Variants in MYPN observed in about 807,000 individuals in gnomAD.
MYPN encodes sarcomeric protein myopalladin, 145 kDa (MYOP).
A neutral mutation model predicts 129.4 loss-of-function variants in MYPN; 63 were observed. The observed-to-expected ratio is 0.49, with a 90% CI of 0.40 to 0.60. MYPN has a LOEUF of 0.60. Among genes scored for constraint, MYPN ranks in the 20% least tolerant of loss-of-function variants. MYPN has a pLI of 0.00. For missense variants in MYPN, 1,596 were observed against 1,635.4 expected, an observed-to-expected ratio of 0.98 and a Z score of 0.42; for synonymous variants, 629 against 600.9, an observed-to-expected ratio of 1.05 and a Z score of -0.68.
chr10:68,167,561 T>C (rs965984906), intron 10 of MYPN, among the ~76,000 whole-genome samples: 2 of 148,150 alleles, frequency 1.3e-5, no homozygotes, highest in Non-Finnish European at 1.5e-5. Context: ...TTATTTCCTG[T>C]TTCATCCACA....
In MYPN at chr10:68,139,754, T is replaced by C. The variant is rs181352166; in HGVS notation, c.903-3186T>C. Among the ~76,000 whole-genome samples the C allele has an allele frequency of 1.1e-3, 168 of 152,256 alleles. 3 individuals are homozygous for C. The East Asian group carries it at 0.025, about 23-fold the overall frequency. On this transcript the variant is annotated intron_variant, in intron 2 of 19. Coordinates refer to ENST00000358913, the MANE Select transcript of MYPN (RefSeq NM_032578.4). ...GCAAATAACAAATACTTAGAAAATA[T>C]TAACTGTGAATTTTTTCCATCATTC...
intron 11 of MYPN, 97 bp downstream of exon 11, chr10:68,174,753 T>A: frequency 8.8e-7 from 1 of 1,133,370 alleles, no homozygotes; most frequent in Admixed American, 1.9e-5. Context: ...ATTTTGTGGA[T>A]TCCTAGATAA....
chr10:68,097,973 T>C (rs2041964499), intron 1 of MYPN, among the ~76,000 whole-genome samples: 2 of 152,190 alleles, frequency 1.3e-5, no homozygotes, highest in Non-Finnish European at 2.9e-5. Flanking sequence ...AGGCCGGGCA[T>C]GGTGGCTCAT....
At position 68,144,080 on chromosome 10, in the gene MYPN, T is replaced by C. The variant is rs562458106; in HGVS notation, c.1078+965T>C. Among the ~76,000 whole-genome samples the C allele has an allele frequency of 6.6e-4, 100 of 152,274 alleles. 1 individual carries two copies. The South Asian group carries it at 0.012, about 19-fold the overall frequency. ...GATCTGACTTAATAGTCACTATGGC[T>C]GCTGTTTGAAAATATACTGCAGGGA... On this transcript the variant is annotated intron_variant, in intron 3 of 19. Coordinates refer to ENST00000358913, the MANE Select transcript of MYPN (RefSeq NM_032578.4).
At chr10:68,205,211 A>G (rs969891873) in intron 18 of MYPN, among the ~76,000 whole-genome samples, 5 of 152,034 alleles carry the variant, frequency 3.3e-5, no homozygotes, top group African/African-American at 1.2e-4. Flanking sequence ...CAGTATCTTC[A>G]TGCCTCCTTC....
chr10:68,118,135 A>G (rs190525697), intron 1 of MYPN, among the ~76,000 whole-genome samples: 3 of 152,176 alleles, frequency 2.0e-5, no homozygotes, highest in Non-Finnish European at 4.4e-5. Flanking sequence ...TAACACCTCA[A>G]TTGGCTTCTT....
At chr10:68,159,114 T>C (rs2042932007) in intron 7 of MYPN, among the ~76,000 whole-genome samples, 1 of 152,218 alleles carries the variant, frequency 6.6e-6, no homozygotes, top group African/African-American at 2.4e-5. Context: ...TTAAGGCTTT[T>C]AAAATATGTT....
At position 68,175,448 on chromosome 10, in the gene MYPN, G is replaced by C; in HGVS notation, c.2690G>C (p.Arg897Thr). The change falls in exon 12 of 20, where the codon AGA becomes ACA. Residue 897 changes from arginine (R) to threonine (T), a missense_variant. Transcript: ENST00000358913. ...AAAAAAATAACTTTCAGTGATGTCA[G>C]ACCAAACCAGCAGGTAAGATTGTTG... is the stretch of plus-strand genomic sequence containing the variant. ...LGKKITFSDV[R>T]PNQQEYKISS... 1 of 1,614,082 alleles carries C rather than the reference G, an allele frequency of 6.2e-7. No individual in the cohort carries two copies.
chr10:68,130,506 G>A (rs148789402), intron 2 of MYPN, among the ~76,000 whole-genome samples: 21 of 149,988 alleles, frequency 1.4e-4, no homozygotes, highest in Middle Eastern at 6.9e-3. Flanking sequence ...GGATACTACT[G>A]GATACTAGTC....
intron 13 of MYPN, among the ~76,000 whole-genome samples, chr10:68,193,142 T>A (rs1389621856): frequency 1.3e-5 from 2 of 152,110 alleles, no homozygotes; most frequent in African/African-American, 2.4e-5. Context: ...GGTTTTTTTT[T>A]ATGTAGGTAT....
chr10:68,136,219 C>G, intron 2 of MYPN: 1 of 986,176 alleles, frequency 1.0e-6, no homozygotes, highest in African/African-American at 1.7e-5. Flanking sequence ...GGCTTGCTAG[C>G]TAGCCAAATG....
intron 15 of MYPN, 34 bp downstream of exon 15, chr10:68,195,566 C>A: frequency 6.4e-7 from 1 of 1,562,442 alleles, no homozygotes; most frequent in Non-Finnish European, 8.8e-7. Context: ...TCTCTAGGCC[C>A]TTCCCAAGCA....
In MYPN at chr10:68,174,520, C is replaced by G; in HGVS notation, c.2428C>G (p.Arg810Gly). The change falls in exon 11 of 20, where the codon CGC (arginine) becomes GGC (glycine). Residue 810 changes from arginine to glycine, a missense_variant. Coordinates refer to ENST00000358913, the MANE Select transcript of MYPN (RefSeq NM_032578.4). ...SIPSGNQFQP[R>G]CVSPIPVSPT... ...CCCCAGCGGAAACCAGTTTCAGCCC[C>G]GCTGTGTGTCCCCAATTCCTGTCTC... 6.2e-7 allele frequency: 1 copy of G among 1,614,086 alleles called. No homozygotes were observed. The highest frequency in any genetic ancestry group is 8.5e-7 in the Non-Finnish European group (1 of 1,179,978).
In MYPN at chr10:68,148,379, C is replaced by T. The variant is rs746900392; in HGVS notation, c.1157C>T (p.Ser386Phe). 1.2e-6 allele frequency: 2 copies of T among 1,614,072 alleles called. No homozygotes were observed. The highest frequency in any genetic ancestry group is 2.2e-5 in the South Asian group (2 of 91,086). The change falls in exon 5 of 20, where the codon TCT (serine) becomes TTT (phenylalanine). Residue 386 changes from serine (S) to phenylalanine (F), a missense_variant. Physicochemically the swap from Ser to Phe is radical, Grantham distance 155. Transcript: ENST00000358913. Reference sequence around the variant, plus strand: ...ATCCAGAAGCCAAATGAGGTGTCATCTCCTCCCACTACCTCTGCAGTCATT... The same window carrying T: ...ATCCAGAAGCCAAATGAGGTGTCATTTCCTCCCACTACCTCTGCAGTCATT... The part of the protein sequence containing the change: ...NRIQKPNEVS[S>F]PPTTSAVIPP...
At chr10:68,164,393 A>T (rs1340645645) in intron 8 of MYPN, among the ~76,000 whole-genome samples, 1 of 151,946 alleles carries the variant, frequency 6.6e-6, no homozygotes, top group Admixed American at 6.6e-5. Context: ...TGACCTAAAC[A>T]CCTCCCTTTA....
rs148936510 is a variant in MYPN, at chr10:68,148,374, G to T, written c.1152G>T (p.Val384=). The change falls in exon 5 of 20, where the codon GTG becomes GTT. Residue 384 remains valine (V), a synonymous_variant. Transcript: ENST00000358913. ...EMNRIQKPNE[V]SSPPTTSAVI... ...TCAGAATCCAGAAGCCAAATGAGGT[G>T]TCATCTCCTCCCACTACCTCTGCAG... 1.5e-5 allele frequency: 25 copies of T among 1,613,988 alleles called. No homozygotes were observed. In the East Asian group the frequency reaches 5.6e-4, roughly 36 times the overall value.
At chr10:68,157,670 CAA>C (rs71009010) in intron 6 of MYPN, among the ~76,000 whole-genome samples, 39,044 of 84,172 alleles carry the variant, frequency 0.46, 6,882 homozygotes, top group Non-Finnish European at 0.55. Flanking sequence ...CCTGTCTCTA[CAA>C]AAAAAAAAAA....
intron 1 of MYPN, among the ~76,000 whole-genome samples, chr10:68,120,312 A>G (rs539553677): frequency 1.3e-5 from 2 of 152,294 alleles, no homozygotes; most frequent in African/African-American, 2.4e-5. Context: ...GGCTTGCATT[A>G]TTATATTACT....
rs1036884401 is a variant in MYPN at position 68,210,970 on chromosome 10, G to A, written c.*515G>A. On this transcript the variant is annotated 3_prime_UTR_variant, in exon 20 of 20. Coordinates refer to ENST00000358913, the MANE Select transcript of MYPN (RefSeq NM_032578.4). ...ATCAGCTTCCACTTAGCATTAGGAG[G>A]TCATGCCATACAACTCACGTATGCG... 5 of 454,254 alleles carry A rather than the reference G, an allele frequency of 1.1e-5. No homozygotes were observed. Among genetic ancestry groups the A allele is most frequent in the African/African-American group, 1.0e-4 (5 of 50,118 alleles). 28.1% of individuals were successfully genotyped at this position (454,254 alleles called of 1,614,324 possible). A position where few individuals can be genotyped will look rare whatever the true frequency, so the allele number is the denominator to read the frequency against.
Sources: allele counts gnomAD v4.1 joint callset (sites outside exome capture counted in the v4.1 genomes callset), GRCh38; gene constraint gnomAD v4.1.1; transcripts MANE v1.5; gene names NCBI Gene and HGNC (gene_info 2026-07-23, HGNC 2026-07-21).